Variants in MAJIN observed in about 807,000 individuals in gnomAD.
MAJIN encodes the protein membrane anchored junction protein, also known as membrane-anchored junction protein.
A neutral mutation model predicts 30.2 loss-of-function variants in MAJIN; 27 were observed. The observed-to-expected ratio is 0.89, with a 90% CI of 0.66 to 1.23. The LOEUF (loss-of-function observed/expected upper bound fraction) is 1.23, where lower values mean the gene tolerates loss of function less well. Among genes scored for constraint, MAJIN ranks in the 50% most tolerant of loss-of-function variants. The pLI is 0.00. For synonymous variants in MAJIN, 78 were observed against 91.6 expected (o/e 0.85, Z 0.85); for missense variants, 253 against 260.3 (o/e 0.97, Z 0.19).
intron 6 of MAJIN, 109 bp downstream of exon 6, chr11:64,949,634 T>A: frequency 7.1e-7 from 1 of 1,412,142 alleles, no homozygotes; most frequent in African/African-American, 1.4e-5. Flanking sequence ...GATCCTGACC[T>A]GTGCACTGTA....
intron 3 of MAJIN, among the ~76,000 whole-genome samples, chr11:64,955,207 T>C (rs1464297744): frequency 1.3e-5 from 2 of 151,994 alleles, no homozygotes; most frequent in African/African-American, 4.8e-5. Flanking sequence ...AAATTGCCAA[T>C]GCCTTAAAAC....
intron 8 of MAJIN, chr11:64,945,942 G>A (rs1473788531): frequency 2.6e-6 from 2 of 765,892 alleles, no homozygotes; most frequent in Non-Finnish European, 4.0e-6. Context: ...TCTGCAGACA[G>A]TGAAACCCAA....
intron 3 of MAJIN, 105 bp from the exon 4 acceptor site, chr11:64,954,907 T>C: frequency 2.0e-6 from 2 of 1,016,076 alleles, no homozygotes; most frequent in Non-Finnish European, 2.9e-6. Flanking sequence ...TAAAGAAACA[T>C]GACATAAGTA....
At chr11:64,964,869 A>C (rs182808490) in intron 1 of MAJIN, among the ~76,000 whole-genome samples, 144 of 152,286 alleles carry the variant, frequency 9.5e-4, no homozygotes, top group Middle Eastern at 3.4e-3. Context: ...TACAGGTGTG[A>C]GCCACTGCAC....
intron 1 of MAJIN, among the ~76,000 whole-genome samples, chr11:64,969,957 A>G (rs1397839763): frequency 2.0e-5 from 3 of 152,134 alleles, no homozygotes; most frequent in African/African-American, 7.2e-5. Flanking sequence ...CTGTATCTGG[A>G]GATGCTGAAG....
intron 4 of MAJIN, among the ~76,000 whole-genome samples, chr11:64,952,838 T>C (rs1945574767): frequency 6.6e-6 from 1 of 151,944 alleles, no homozygotes; most frequent in South Asian, 2.1e-4. Flanking sequence ...CTGAGTAGCT[T>C]GGACTACAGG....
intron 3 of MAJIN, among the ~76,000 whole-genome samples, chr11:64,957,008 C>A (rs1053120917): frequency 3.9e-5 from 6 of 152,032 alleles, no homozygotes; most frequent in Non-Finnish European, 7.4e-5. Context: ...CTCAGAAGAT[C>A]CGCCTGCCTC....
At chr11:64,961,602 A>G (rs1232633234) in intron 1 of MAJIN, among the ~76,000 whole-genome samples, 1 of 150,362 alleles carries the variant, frequency 6.7e-6, no homozygotes, top group African/African-American at 2.5e-5. Flanking sequence ...CAGCCTCCAG[A>G]GTAGCTGGGA....
At chr11:64,960,677 A>G (rs898390697) in intron 1 of MAJIN, among the ~76,000 whole-genome samples, 5 of 152,134 alleles carry the variant, frequency 3.3e-5, no homozygotes, top group Non-Finnish European at 7.4e-5. Context: ...ATAAAGGACT[A>G]TTTTCATTAT....
At chr11:64,946,706 C>T (rs1287700254) in intron 8 of MAJIN, among the ~76,000 whole-genome samples, 1 of 152,102 alleles carries the variant, frequency 6.6e-6, no homozygotes, top group Non-Finnish European at 1.5e-5. Flanking sequence ...GGGAACAAAC[C>T]ACACCTTGGA....
At chr11:64,949,109 G>A (rs1945508014) in intron 6 of MAJIN, among the ~76,000 whole-genome samples, 2 of 150,178 alleles carry the variant, frequency 1.3e-5, no homozygotes, top group South Asian at 2.1e-4. Context: ...GATCGCTTGA[G>A]CCCAGGAGTT....
intron 1 of MAJIN, among the ~76,000 whole-genome samples, chr11:64,962,783 T>A (rs1161771944): frequency 6.6e-6 from 1 of 152,152 alleles, no homozygotes; most frequent in Non-Finnish European, 1.5e-5. Context: ...TATATAAACG[T>A]TAGCACTTAC....
intron 1 of MAJIN, among the ~76,000 whole-genome samples, chr11:64,970,372 T>TC (rs1945880222): frequency 7.6e-6 from 1 of 132,048 alleles, no homozygotes; most frequent in African/African-American, 2.8e-5. Flanking sequence ...TTTTTTTTTT[T>TC]TTTTTTTTTT....
At chr11:64,967,094 C>T (rs1427823161) in intron 1 of MAJIN, among the ~76,000 whole-genome samples, 1 of 151,122 alleles carries the variant, frequency 6.6e-6, no homozygotes, top group Non-Finnish European at 1.5e-5. Context: ...ACACAGTGAG[C>T]CCTCGTCTGT....
intron 8 of MAJIN, among the ~76,000 whole-genome samples, chr11:64,943,979 G>A (rs915584203): frequency 1.3e-5 from 2 of 152,200 alleles, no homozygotes; most frequent in East Asian, 1.9e-4. Context: ...CAGCACAACT[G>A]GGGCCCTGGA....
chr11:64,963,053 G>C (rs369760447), intron 1 of MAJIN, among the ~76,000 whole-genome samples: 31 of 152,268 alleles, frequency 2.0e-4, no homozygotes, highest in African/African-American at 7.5e-4. Flanking sequence ...CTTGAACCCA[G>C]GTTGCGGAGG....
At position 64,938,510 on chromosome 11, in the gene MAJIN, CT is replaced by C. The variant is rs755322431; in HGVS notation, c.*64del. 1 of 1,534,378 alleles carries C rather than the reference CT, an allele frequency of 6.5e-7. No individual in the cohort carries two copies. Among genetic ancestry groups the C allele is most frequent in the South Asian group, 1.2e-5 (1 of 84,034 alleles). Reference sequence around the variant, plus strand: ...ACAAGAGATGATCCTCTTTCCAGCGCTGCATTTGGAAGGCTCAAGAGTGGCT... The same window carrying C: ...ACAAGAGATGATCCTCTTTCCAGCGCGCATTTGGAAGGCTCAAGAGTGGCT... On this transcript the variant is annotated 3_prime_UTR_variant, in exon 11 of 11. Coordinates refer to ENST00000301896, the MANE Select transcript of MAJIN (RefSeq NM_001037225.3).
intron 3 of MAJIN, among the ~76,000 whole-genome samples, chr11:64,956,848 C>A (rs1945643320): frequency 7.2e-6 from 1 of 138,514 alleles, no homozygotes; most frequent in Admixed American, 8.2e-5. Flanking sequence ...CTCACTGCAA[C>A]CTCCGCCTCC....
intron 1 of MAJIN, among the ~76,000 whole-genome samples, chr11:64,968,964 G>A (rs1404049863): frequency 6.6e-5 from 10 of 152,166 alleles, no homozygotes; most frequent in East Asian, 3.8e-4. Context: ...TTCTGTAGTC[G>A]TCCAGGAGAA....
Sources: gnomAD v4.1 joint callset for allele counts (sites outside exome capture counted in the v4.1 genomes callset) on GRCh38, gnomAD v4.1.1 for gene constraint, MANE v1.5 for transcripts, NCBI Gene and HGNC (gene_info 2026-07-23, HGNC 2026-07-21) for gene names.